GPC6: variants seen among roughly 807,000 people sequenced by gnomAD.
GPC6 encodes glypican 6.
GPC6 carries 14 observed loss-of-function variants against 55.2 expected under a neutral mutation model. The ratio of observed to expected loss-of-function variants is 0.25; its 90% confidence interval spans 0.17 to 0.40. The LOEUF is 0.40. Among genes scored for constraint, GPC6 ranks in the 10% least tolerant of loss-of-function variants. The pLI is 1.00. For synonymous variants in GPC6, 278 were observed against 259.6 expected, an observed-to-expected ratio of 1.07 and a Z score of -0.68; for missense variants, 641 against 708.5, an observed-to-expected ratio of 0.90 and a Z score of 1.08.
intron 6 of GPC6, among the ~76,000 whole-genome samples, chr13:94,350,163 C>G (rs9516400): frequency 2.0e-5 from 3 of 151,814 alleles, no homozygotes; most frequent in African/African-American, 7.3e-5. Context: ...CAACTTCATA[C>G]AGCCTGATGA....
chr13:93,716,926 A>G (rs1233971211), intron 2 of GPC6, among the ~76,000 whole-genome samples: 1 of 151,658 alleles, frequency 6.6e-6, no homozygotes, highest in African/African-American at 2.4e-5. Context: ...ATGCACAAAT[A>G]CTTGCCATTA....
chr13:94,355,588 T>C (rs1878757055), intron 6 of GPC6, among the ~76,000 whole-genome samples: 1 of 152,052 alleles, frequency 6.6e-6, no homozygotes, highest in African/African-American at 2.4e-5. Flanking sequence ...AATGATGAAA[T>C]TGTATGCTAT....
chr13:93,332,610 A>G (rs896410301), intron 1 of GPC6, among the ~76,000 whole-genome samples: 1 of 152,074 alleles, frequency 6.6e-6, no homozygotes, highest in African/African-American at 2.4e-5. Flanking sequence ...TCTTGTTATT[A>G]ATCTCTTGTC....
intron 1 of GPC6, among the ~76,000 whole-genome samples, chr13:93,278,594 T>C (rs1375801782): frequency 6.6e-6 from 1 of 152,230 alleles, no homozygotes; most frequent in Non-Finnish European, 1.5e-5. Flanking sequence ...CTAAGTGACG[T>C]TTTCATTCTT....
At chr13:93,493,921 C>A (rs1244035862) in intron 1 of GPC6, among the ~76,000 whole-genome samples, 3 of 110,126 alleles carry the variant, frequency 2.7e-5, no homozygotes, top group Non-Finnish European at 4.0e-5. Flanking sequence ...TTTACATTTG[C>A]TGAGGAGTGC....
chr13:93,736,506 T>C (rs1884006035), intron 2 of GPC6, among the ~76,000 whole-genome samples: 1 of 152,186 alleles, frequency 6.6e-6, no homozygotes. Context: ...TAACAGGTAA[T>C]TGATAGGGGT....
intron 3 of GPC6, among the ~76,000 whole-genome samples, chr13:93,934,569 A>G (rs1024552888): frequency 6.6e-6 from 1 of 152,290 alleles, no homozygotes; most frequent in East Asian, 1.9e-4. Flanking sequence ...CATCGCTGCA[A>G]CAGGGAAATG....
chr13:93,887,958 G>A (rs781233704), intron 3 of GPC6, among the ~76,000 whole-genome samples: 10 of 152,050 alleles, frequency 6.6e-5, no homozygotes, highest in South Asian at 2.1e-4. Context: ...AGTCCATCTG[G>A]GGACCAGTCC....
At chr13:93,433,320 G>A (rs1230918633) in intron 1 of GPC6, among the ~76,000 whole-genome samples, 1 of 152,178 alleles carries the variant, frequency 6.6e-6, no homozygotes, top group Non-Finnish European at 1.5e-5. Context: ...CTATGGGCAG[G>A]TCTTTAGCCA....
At chr13:93,299,269 C>A (rs59089390) in intron 1 of GPC6, among the ~76,000 whole-genome samples, 1,555 of 152,258 alleles carry the variant, frequency 0.01, 23 homozygotes, top group African/African-American at 0.035. Flanking sequence ...CATAAAGATT[C>A]AATCAATACA....
At chr13:93,620,771 A>G (rs909857540) in intron 2 of GPC6, among the ~76,000 whole-genome samples, 2 of 152,176 alleles carry the variant, frequency 1.3e-5, no homozygotes, top group African/African-American at 4.8e-5. Flanking sequence ...TTTAGTCAGA[A>G]TGCTCTGTGT....
At chr13:93,928,354 T>C (rs1594595135) in intron 3 of GPC6, among the ~76,000 whole-genome samples, 1 of 152,326 alleles carries the variant, frequency 6.6e-6, no homozygotes, top group Non-Finnish European at 1.5e-5. Flanking sequence ...GTTGTTTTAA[T>C]GAAAATTTAT....
chr13:93,910,985 C>A (rs1021492988), intron 3 of GPC6, among the ~76,000 whole-genome samples: 1 of 152,170 alleles, frequency 6.6e-6, no homozygotes, highest in Non-Finnish European at 1.5e-5. Context: ...ACTGCATGTA[C>A]TCAGACCTGG....
intron 2 of GPC6, among the ~76,000 whole-genome samples, chr13:93,711,348 A>T (rs115903441): frequency 0.01 from 1,565 of 151,742 alleles, 32 homozygotes; most frequent in African/African-American, 0.036. Context: ...AAACCATCAG[A>T]TCTCGTGAGA....
intron 3 of GPC6, among the ~76,000 whole-genome samples, chr13:93,846,346 A>G (rs1044146943): frequency 2.0e-5 from 3 of 152,186 alleles, no homozygotes; most frequent in African/African-American, 7.2e-5. Context: ...TTATCATTCC[A>G]CTTATTATAT....
intron 2 of GPC6, among the ~76,000 whole-genome samples, chr13:93,642,869 G>A (rs1260475180): frequency 6.6e-6 from 1 of 152,044 alleles, no homozygotes; most frequent in Admixed American, 6.6e-5. Context: ...ATCAGCTTCA[G>A]TATGTTATGA....
At chr13:93,683,648 T>G (rs1881938044) in intron 2 of GPC6, among the ~76,000 whole-genome samples, 2 of 152,204 alleles carry the variant, frequency 1.3e-5, no homozygotes, top group South Asian at 4.1e-4. Flanking sequence ...TTTTTACATA[T>G]ATGTGTGTTT....
chr13:94,382,827 G>C (rs1880226535), intron 7 of GPC6, among the ~76,000 whole-genome samples: 1 of 152,228 alleles, frequency 6.6e-6, no homozygotes, highest in Non-Finnish European at 1.5e-5. Flanking sequence ...CAGATACCCT[G>C]AGATCACAAA....
At chr13:93,425,060 C>A (rs916321202) in intron 1 of GPC6, among the ~76,000 whole-genome samples, 7 of 152,044 alleles carry the variant, frequency 4.6e-5, no homozygotes, top group Non-Finnish European at 8.8e-5. Context: ...AAATGAAATA[C>A]TTACTTTGGG....
Sources: gnomAD v4.1 joint callset for allele counts (sites outside exome capture counted in the v4.1 genomes callset) on GRCh38, gnomAD v4.1.1 for gene constraint, MANE v1.5 for transcripts, NCBI Gene and HGNC (gene_info 2026-07-23, HGNC 2026-07-21) for gene names.